The following TMEM106B variants were observed in gnomAD, a reference collection of about 807,000 sequenced individuals.
The protein encoded by TMEM106B is transmembrane protein 106B.
A neutral mutation model predicts 31.1 loss-of-function variants in TMEM106B; 15 were observed. The observed-to-expected ratio is 0.48, with a 90% CI of 0.32 to 0.74. The LOEUF (loss-of-function observed/expected upper bound fraction) is 0.74, where lower values mean the gene tolerates loss of function less well. Among genes scored for constraint, TMEM106B ranks in the 30% least tolerant of loss-of-function variants. The probability of loss-of-function intolerance (pLI) is 0.03; values close to 1 mark genes in which losing one functional copy is unlikely to be tolerated. For synonymous variants in TMEM106B, 126 were observed against 112.5 expected (o/e 1.12, Z -0.76); for missense variants, 283 against 327.3 (o/e 0.86, Z 1.04).
rs11291359 is a variant in TMEM106B at position 12,218,239 on chromosome 7, C to CT, written c.218-201dup. 6.3e-3 allele frequency among the ~76,000 whole-genome samples: 836 copies of CT among 133,350 alleles called. 1 individual carries two copies. The highest frequency in any genetic ancestry group is 0.02 in the South Asian group (84 of 4,172). The allele number at this position is 133,350 out of a possible 152,430, so 87.5% of individuals were successfully genotyped here. A position where few individuals can be genotyped will look rare whatever the true frequency, so the allele number is the denominator to read the frequency against. On this transcript the variant is annotated intron_variant, in intron 2 of 7. Coordinates refer to ENST00000396668, the MANE Select transcript of TMEM106B (RefSeq NM_001134232.2). The stretch of plus-strand genomic sequence containing the variant: ...AAAAAGTAAGCCCTCATTTGTTATA[C>CT]TTTTTTTTTTTTTTTTTTAGCTAGA...
intron 2 of TMEM106B, among the ~76,000 whole-genome samples, chr7:12,215,372 TAGA>T (rs1460057544): frequency 3.9e-5 from 6 of 152,090 alleles, no homozygotes; most frequent in African/African-American, 1.4e-4. Context: ...TATCAGATGT[TAGA>T]AGCAATTTAA....
chr7:12,211,365 C>T lies in TMEM106B; in HGVS notation c.-63C>T, dbSNP rs1781569344. ...GCTCCCGGGACTGTGGACTCCACGA[C>T]CCTGTCCTCGGCCCTGTCCGCGCCG... On this transcript the variant is annotated 5_prime_UTR_variant, in exon 1 of 8. Transcript: ENST00000396668. 1 of 152,408 alleles carries T rather than the reference C, an allele frequency of 6.6e-6. No individual in the cohort carries two copies. The highest frequency in any genetic ancestry group is 1.5e-5 in the Non-Finnish European group (1 of 68,188). 9.4% of individuals were successfully genotyped at this position (152,408 alleles called of 1,614,324 possible).
In TMEM106B at chr7:12,235,375, G is replaced by T. The variant is rs912509514; in HGVS notation, c.*3400G>T. ...CATCTTAAGTATGGAACATTTAAAT[G>T]GCTATATTTTATTTGTGTACAGTTT... On this transcript the variant is annotated 3_prime_UTR_variant, in exon 8 of 8. Coordinates refer to ENST00000396668, the MANE Select transcript of TMEM106B (RefSeq NM_001134232.2). The T allele has an allele frequency of 2.6e-5, 4 of 152,112 alleles. No homozygotes were observed. Among genetic ancestry groups the T allele is most frequent in the Non-Finnish European group, 4.4e-5 (3 of 67,776 alleles). 9.4% of individuals were successfully genotyped at this position (152,112 alleles called of 1,614,324 possible).
In TMEM106B at chr7:12,232,372, T is replaced by C. The variant is rs1782043496; in HGVS notation, c.*397T>C. ...TGTTTTTATAGAAAATTACTGAAAG[T>C]CTATTACTCATGGAAGACTTTTAAA... On this transcript the variant is annotated 3_prime_UTR_variant, in exon 8 of 8. Coordinates refer to ENST00000396668, the MANE Select transcript of TMEM106B (RefSeq NM_001134232.2). The C allele has an allele frequency of 6.5e-6, 1 of 153,324 alleles. No homozygotes were observed. Among genetic ancestry groups the C allele is most frequent in the Non-Finnish European group, 1.5e-5 (1 of 68,780 alleles). 9.5% of individuals were successfully genotyped at this position (153,324 alleles called of 1,614,324 possible). A position where few individuals can be genotyped will look rare whatever the true frequency, so the allele number is the denominator to read the frequency against.
rs929698952 is a variant in TMEM106B at position 12,233,311 on chromosome 7, A to G, written c.*1336A>G. ...ATATGTACTAAGTGTAGGAGTGGTT[A>G]TGATACCAAAAAATGTAGCTGGGTT... On this transcript the variant is annotated 3_prime_UTR_variant, in exon 8 of 8. Coordinates refer to ENST00000396668, the MANE Select transcript of TMEM106B (RefSeq NM_001134232.2). 6.9e-6 allele frequency: 1 copy of G among 145,442 alleles called. No homozygotes were observed. The highest frequency in any genetic ancestry group is 1.5e-5 in the Non-Finnish European group (1 of 66,456). 9.0% of individuals were successfully genotyped at this position (145,442 alleles called of 1,614,324 possible). A position where few individuals can be genotyped will look rare whatever the true frequency, so the allele number is the denominator to read the frequency against.
rs929070660 is a variant in TMEM106B, at chr7:12,242,762, A to G, written c.*10787A>G. 1 of 152,144 alleles carries G rather than the reference A, an allele frequency of 6.6e-6. No individual in the cohort carries two copies. The highest frequency in any genetic ancestry group is 2.4e-5 in the African/African-American group (1 of 41,434). The allele number at this position is 152,144 out of a possible 1,614,324, so 9.4% of individuals were successfully genotyped here. ...TTTTCCTTCCTAAAATACTGTTAAT[A>G]GCTGGCTATTTTGTAAGCCTGTATC... On this transcript the variant is annotated 3_prime_UTR_variant, in exon 8 of 8. Transcript: ENST00000396668.
rs1782135841 is a variant in TMEM106B, at chr7:12,236,386, T to C, written c.*4411T>C. 6.6e-6 allele frequency: 1 copy of C among 151,932 alleles called. No individual in the cohort carries two copies. Among genetic ancestry groups the C allele is most frequent in the African/African-American group, 2.4e-5 (1 of 41,420 alleles). The allele number at this position is 151,932 out of a possible 1,614,324, so 9.4% of individuals were successfully genotyped here. On this transcript the variant is annotated 3_prime_UTR_variant, in exon 8 of 8. Transcript: ENST00000396668. ...ATCACAGACTCTAAATTGAAAAATG[T>C]AGTATGATCTATATTTGACCCTAAA...
intron 4 of TMEM106B, among the ~76,000 whole-genome samples, chr7:12,227,868 G>T (rs1289628189): frequency 6.6e-6 from 1 of 151,442 alleles, no homozygotes; most frequent in Admixed American, 6.6e-5. Flanking sequence ...ATTCTCATAA[G>T]GATTTGTATT....
intron 4 of TMEM106B, among the ~76,000 whole-genome samples, chr7:12,225,196 C>T (rs1349775198): frequency 6.6e-6 from 1 of 152,180 alleles, no homozygotes; most frequent in Middle Eastern, 3.2e-3. Context: ...AGGACATGAA[C>T]TCATCCTTTT....
At chr7:12,215,517 G>A in intron 2 of TMEM106B, 1 of 202,786 alleles carries the variant, frequency 4.9e-6, no homozygotes, top group South Asian at 9.2e-5. Flanking sequence ...GATTATAGCA[G>A]TAAGCCACCA....
At chr7:12,221,765 A>G (rs961836532) in intron 3 of TMEM106B, among the ~76,000 whole-genome samples, 2 of 152,192 alleles carry the variant, frequency 1.3e-5, no homozygotes, top group East Asian at 3.9e-4. Flanking sequence ...GGGTGTCCAG[A>G]AAGCCAAAAT....
chr7:12,231,112 T>C lies in TMEM106B; in HGVS notation c.683T>C (p.Met228Thr), dbSNP rs1192399143. 2.5e-6 allele frequency: 4 copies of C among 1,599,398 alleles called. No homozygotes were observed. The highest frequency in any genetic ancestry group is 3.4e-6 in the Non-Finnish European group (4 of 1,171,752). ...AAAGTGCATAACATAGTACTCATGA[T>C]GCAGTAAGTACAAATCTTTTTTGAA... ...SIKVHNIVLM[M>T]QVTVTTTYFG... is the part of the protein sequence containing the mutation. Residue 228 changes from methionine (M) to threonine (T), a missense_variant, in exon 7 of 8, where the codon ATG (methionine) becomes ACG (threonine). Met to Thr is a moderately conservative substitution (Grantham distance 81, BLOSUM62 -1). Around this residue, in one of 3 missense-constraint regions of TMEM106B, gnomAD observed 201 missense variants for 211.5 expected, o/e 0.95. Coordinates refer to ENST00000396668, the MANE Select transcript of TMEM106B (RefSeq NM_001134232.2).
chr7:12,217,026 ATT>A (rs34797201), intron 2 of TMEM106B, among the ~76,000 whole-genome samples: 27,694 of 150,252 alleles, frequency 0.18, 3,639 homozygotes, highest in African/African-American at 0.38. Flanking sequence ...CAGGAGAGGG[ATT>A]TTTTTTTTTC....
intron 3 of TMEM106B, among the ~76,000 whole-genome samples, chr7:12,218,970 C>A (rs181174023): frequency 3.3e-5 from 5 of 152,008 alleles, no homozygotes; most frequent in Non-Finnish European, 7.4e-5. Context: ...ATACTTTGTC[C>A]CAAAAGAAGA....
At position 12,234,977 on chromosome 7, in the gene TMEM106B, A is replaced by T. The variant is rs567241786; in HGVS notation, c.*3002A>T. The T allele has an allele frequency of 6.6e-6, 1 of 152,032 alleles. No individual in the cohort carries two copies. The highest frequency in any genetic ancestry group is 1.9e-4 in the East Asian group (1 of 5,178). 9.4% of individuals were successfully genotyped at this position (152,032 alleles called of 1,614,324 possible). A position where few individuals can be genotyped will look rare whatever the true frequency, so the allele number is the denominator to read the frequency against. ...GCAAGATCAAGTATCTCTGTCTCCCATATCTGTGTTCTATCATTTAAAATA... is the reference window on the plus strand; with the variant it reads ...GCAAGATCAAGTATCTCTGTCTCCCTTATCTGTGTTCTATCATTTAAAATA... On this transcript the variant is annotated 3_prime_UTR_variant, in exon 8 of 8. Coordinates refer to ENST00000396668, the MANE Select transcript of TMEM106B (RefSeq NM_001134232.2).
chr7:12,239,855 T>C lies in TMEM106B; in HGVS notation c.*7880T>C, dbSNP rs1020463564. ...ATCATTAAAATAGGTTTAATAATAA[T>C]GGAAACATTTGAAATATTGCAAAAA... On this transcript the variant is annotated 3_prime_UTR_variant, in exon 8 of 8. Coordinates refer to ENST00000396668, the MANE Select transcript of TMEM106B (RefSeq NM_001134232.2). 2 of 151,974 alleles carry C rather than the reference T, an allele frequency of 1.3e-5. No homozygotes were observed. The highest frequency in any genetic ancestry group is 2.9e-5 in the Non-Finnish European group (2 of 67,998). 9.4% of individuals were successfully genotyped at this position (151,974 alleles called of 1,614,324 possible).
intron 3 of TMEM106B, among the ~76,000 whole-genome samples, chr7:12,219,843 A>G (rs1781754217): frequency 6.6e-6 from 1 of 152,210 alleles, no homozygotes; most frequent in Non-Finnish European, 1.5e-5. Context: ...AAAGAAAACT[A>G]AACATGTATG....
chr7:12,211,611 G>C (rs1236941219), intron 1 of TMEM106B, 186 bp downstream of exon 1: 1 of 152,398 alleles, frequency 6.6e-6, no homozygotes, highest in African/African-American at 2.4e-5. Flanking sequence ...CCCAGCCAGG[G>C]AACACTCGGC....
At chr7:12,231,590 A>G in intron 7 of TMEM106B, 3 of 336,200 alleles carry the variant, frequency 8.9e-6, no homozygotes, top group Non-Finnish European at 1.6e-5. Context: ...TATATTTTTA[A>G]CAGAAGATAA....
Sources: gnomAD v4.1 joint callset for allele counts (sites outside exome capture counted in the v4.1 genomes callset) on GRCh38, gnomAD v4.1.1 for gene constraint, gnomAD v4.1.1 regional missense constraint, MANE v1.5 for transcripts, NCBI Gene and HGNC (gene_info 2026-07-23, HGNC 2026-07-21) for gene names.